Variants in MITD1 observed in about 807,000 individuals in gnomAD.
The protein encoded by MITD1 is MIT domain-containing protein 1.
In MITD1, 24 loss-of-function variants were observed where a neutral mutation model predicts 34.9. That is an observed-to-expected ratio of 0.69 (90% CI 0.50 to 0.97). MITD1 has a LOEUF of 0.97. MITD1 is among the 50% of genes least tolerant of loss of function. MITD1 has a pLI of 0.00. For synonymous variants in MITD1, 102 were observed against 101.4 expected, an observed-to-expected ratio of 1.01 and a Z score of -0.04; for missense variants, 266 against 294.6, an observed-to-expected ratio of 0.90 and a Z score of 0.71.
At chr2:99,163,341 T>C (rs1000484305) in intron 7 of MITD1, among the ~76,000 whole-genome samples, 6 of 152,132 alleles carry the variant, frequency 3.9e-5, no homozygotes, top group Non-Finnish European at 8.8e-5. Flanking sequence ...TTTCATTTAT[T>C]TATTTTGAGA....
downstream of MITD1, among the ~76,000 whole-genome samples, chr2:99,165,947 G>C (rs1451845629): frequency 6.6e-6 from 1 of 152,170 alleles, no homozygotes; most frequent in Non-Finnish European, 1.5e-5. Context: ...AGTGATATCA[G>C]TGGTGTAGGC....
intron 1 of MITD1, among the ~76,000 whole-genome samples, chr2:99,175,933 ATTTTTTTGTTTCAT>A (rs2093884406): frequency 6.6e-6 from 1 of 151,804 alleles, no homozygotes; most frequent in African/African-American, 2.4e-5. Context: ...TTGATTCAGG[ATTTTTTTGTTTCAT>A]TTTGTTTCGC....
chr2:99,173,310 AAGC>A (rs1378961084), intron 2 of MITD1: 1 of 324,326 alleles, frequency 3.1e-6, no homozygotes, highest in Non-Finnish European at 6.6e-6. Flanking sequence ...TGGCTATAGA[AAGC>A]AGCAAGTATG....
At chr2:99,179,263 G>A (rs184147229) in intron 1 of MITD1, among the ~76,000 whole-genome samples, 456 of 152,294 alleles carry the variant, frequency 3.0e-3, no homozygotes, top group African/African-American at 0.011. Context: ...GACCAACACA[G>A]TACACCATCT....
intron 1 of MITD1, 145 bp downstream of exon 1, chr2:99,180,686 T>C (rs2093913185): frequency 7.0e-6 from 5 of 713,554 alleles, no homozygotes; most frequent in Admixed American, 2.4e-5. Flanking sequence ...AGCGGCCCAG[T>C]TGTCCTATAG....
At chr2:99,165,063 T>C (rs867066784), downstream of MITD1, among the ~76,000 whole-genome samples, 1,403 of 122,592 alleles carry the variant, frequency 0.011, 24 homozygotes, top group African/African-American at 0.037. Context: ...CACACACACA[T>C]ATATATATAG....
chr2:99,168,420 C>T (rs556624813), downstream of MITD1, among the ~76,000 whole-genome samples: 4 of 152,314 alleles, frequency 2.6e-5, no homozygotes, highest in South Asian at 6.2e-4. Flanking sequence ...GGATTACAGG[C>T]GTGAGCCACT....
intron 7 of MITD1, chr2:99,162,710 G>C (rs373610498): frequency 6.2e-7 from 1 of 1,614,120 alleles, no homozygotes; most frequent in South Asian, 1.1e-5. Context: ...TAAACCCAAC[G>C]GATGAGACAC....
At chr2:99,179,890 C>A (rs1028857549) in intron 1 of MITD1, among the ~76,000 whole-genome samples, 1 of 152,118 alleles carries the variant, frequency 6.6e-6, no homozygotes, top group African/African-American at 2.4e-5. Flanking sequence ...CTGACCAAAG[C>A]ACCAAACCAT....
At chr2:99,173,396 A>G (rs754097755) in intron 2 of MITD1, 8 of 427,264 alleles carry the variant, frequency 1.9e-5, no homozygotes, top group Middle Eastern at 6.9e-4. Flanking sequence ...GGAACTAATA[A>G]TAGGGAACAA....
chr2:99,165,541 T>C (rs1165212115), downstream of MITD1, among the ~76,000 whole-genome samples: 1 of 152,186 alleles, frequency 6.6e-6, no homozygotes, highest in East Asian at 1.9e-4. Flanking sequence ...ATTTATAAAT[T>C]TGAGGGCTGA....
rs781676245 is a variant in MITD1 at position 99,181,002 on chromosome 2, G to A, written c.-21C>T. ...GCCATAATTCTGGAAGTTCTCCTCC[G>A]CCTCAACCCAGGATGAAGTTGAGCG... On this transcript the variant is annotated 5_prime_UTR_variant, in exon 1 of 7. Transcript: ENST00000289359. 6 of 1,608,940 alleles carry A rather than the reference G, an allele frequency of 3.7e-6. No individual in the cohort carries two copies. The highest frequency in any genetic ancestry group is 2.2e-5 in the East Asian group (1 of 44,646).
Position 99,171,405 on chromosome 2 carries a change from C to T in MITD1, c.415G>A (p.Glu139Lys), listed in dbSNP as rs778217083. The change falls in exon 4 of 7, where the codon GAG (glutamate) becomes AAG (lysine). Residue 139 changes from glutamate to lysine, a missense_variant. Coordinates refer to ENST00000289359, the MANE Select transcript of MITD1 (RefSeq NM_138798.3). ...HQLYNFLRFC[E>K]MLIKRPCKVK... ...TTACATGGTCTCTTAATAAGCATCTCACAAAATCGAAGAAAGTTATACAGC... is the reference window on the plus strand; with the variant it reads ...TTACATGGTCTCTTAATAAGCATCTTACAAAATCGAAGAAAGTTATACAGC... The T allele has an allele frequency of 6.8e-6, 11 of 1,612,336 alleles. No individual in the cohort carries two copies. The Admixed American group carries it at 1.7e-4, about 24-fold the overall frequency.
chr2:99,164,068 AAAG>A (rs1198791260), intron 7 of MITD1, among the ~76,000 whole-genome samples: 1 of 151,960 alleles, frequency 6.6e-6, no homozygotes, highest in African/African-American at 2.4e-5. Context: ...TGCTGGGGGG[AAAG>A]ATCATATAAT....
In MITD1 at chr2:99,162,508, C is replaced by T; in HGVS notation, c.*4-290G>A. 2 of 1,614,140 alleles carry T rather than the reference C, an allele frequency of 1.2e-6. No homozygotes were observed. The highest frequency in any genetic ancestry group is 1.7e-6 in the Non-Finnish European group (2 of 1,180,010). ...CACCATTGCACTTTATTATGTAGTA[C>T]TGATGGGACGTTCTTGTCTTCTTTG... On this transcript the variant is annotated intron_variant, in intron 7 of 7. Transcript: ENST00000422537.
downstream of MITD1, among the ~76,000 whole-genome samples, chr2:99,166,486 G>GAAAA (rs367705088): frequency 0.013 from 1,557 of 116,802 alleles, 35 homozygotes; most frequent in African/African-American, 0.046. Context: ...GAGGAAATAA[G>GAAAA]AAAAAAAAAA....
intron 2 of MITD1, 198 bp downstream of exon 2, chr2:99,173,712 AAAAAC>A (rs2093870432): frequency 2.2e-5 from 13 of 592,996 alleles, no homozygotes; most frequent in South Asian, 1.9e-4. Context: ...ACCCCCAACT[AAAAAC>A]AAAAGCCAAA....
intron 1 of MITD1, among the ~76,000 whole-genome samples, chr2:99,180,281 AAAC>A (rs1268011515): frequency 6.6e-6 from 1 of 152,218 alleles, no homozygotes; most frequent in African/African-American, 2.4e-5. Context: ...ATCGTATAAT[AAAC>A]ACCCTTATTA....
chr2:99,162,927 C>A, intron 7 of MITD1: 2 of 1,613,646 alleles, frequency 1.2e-6, no homozygotes, highest in Non-Finnish European at 1.7e-6. Flanking sequence ...ATTGGAAATA[C>A]GTGACAAATT....
Sources: gnomAD v4.1 joint callset for allele counts (sites outside exome capture counted in the v4.1 genomes callset) on GRCh38, gnomAD v4.1.1 for gene constraint, MANE v1.5 for transcripts, NCBI Gene and HGNC (gene_info 2026-07-23, HGNC 2026-07-21) for gene names.